P4HA1: variants seen among roughly 807,000 people sequenced by gnomAD.
P4HA1 encodes the protein prolyl 4-hydroxylase subunit alpha 1, also known as prolyl 4-hydroxylase subunit alpha-1.
In P4HA1, 24 loss-of-function variants were observed where a neutral mutation model predicts 72.8. The ratio of observed to expected loss-of-function variants is 0.33; its 90% CI spans 0.24 to 0.46. P4HA1 has a LOEUF of 0.46. Among genes scored for constraint, P4HA1 ranks in the 20% least tolerant of loss-of-function variants. P4HA1 has a pLI of 1.00. For synonymous variants in P4HA1, 201 were observed against 218.8 expected (o/e 0.92, Z 0.72); for missense variants, 446 against 640.6 (o/e 0.70, Z 3.28).
chr10:73,008,286 TTGGATACTG>T lies in P4HA1; in HGVS notation c.1535-3_1540del. 1 of 1,579,902 alleles carries T rather than the reference TTGGATACTG, an allele frequency of 6.3e-7. No homozygotes were observed. Among genetic ancestry groups the T allele is most frequent in the Non-Finnish European group, 8.7e-7 (1 of 1,149,322 alleles). On this transcript the variant is annotated splice_acceptor_variant and splice_polypyrimidine_tract_variant and coding_sequence_variant and intron_variant, in exon 15 of 15. Transcript: ENST00000394890. LOFTEE classifies it high-confidence loss of function. ...TTGTCCACGTTCATGGAGCCATTTA[TTGGATACTG>T]TGAGAGAAAAGTAATATATTAATTT...
rs1839897113 is a variant in P4HA1, at chr10:73,010,841, G to C, written c.1437+128C>G. 4 of 666,900 alleles carry C rather than the reference G, an allele frequency of 6.0e-6. No individual in the cohort carries two copies. In the East Asian group the frequency reaches 1.1e-4, roughly 19 times the overall value. 41.3% of individuals were successfully genotyped at this position (666,900 alleles called of 1,614,324 possible). On this transcript the variant is annotated intron_variant, in intron 13 of 14. Transcript: ENST00000394890. ...CTGCTGGGCTCCAGCCTGGGCAACA[G>C]AGCGAGAACAGGTCTCAAAAAATGA...
chr10:73,080,062 GACAA>G (rs1323559306), intron 1 of P4HA1, among the ~76,000 whole-genome samples: 2 of 152,264 alleles, frequency 1.3e-5, no homozygotes, highest in East Asian at 1.9e-4. Context: ...GTCATACAGA[GACAA>G]ACAGTTTCAA....
intron 12 of P4HA1, among the ~76,000 whole-genome samples, 183 bp from the exon 13 acceptor site, chr10:73,011,220 G>C (rs1369173628): frequency 6.6e-6 from 1 of 152,050 alleles, no homozygotes; most frequent in Non-Finnish European, 1.5e-5. Flanking sequence ...ATATACATAA[G>C]TAAAAAAACT....
At chr10:73,037,571 ATTTTTTT>A (rs71021545) in intron 9 of P4HA1, among the ~76,000 whole-genome samples, 3 of 30,612 alleles carry the variant, frequency 9.8e-5, no homozygotes, top group East Asian at 9.8e-4. Context: ...ATATATATAT[ATTTTTTT>A]TTTTTTTTTT....
intron 1 of P4HA1, among the ~76,000 whole-genome samples, chr10:73,090,794 C>G (rs1225375685): frequency 6.6e-6 from 1 of 152,072 alleles, no homozygotes. Flanking sequence ...GGTGCGGTGG[C>G]TCATGCCTGT....
chr10:73,034,585 GTTT>G (rs1302367660), intron 9 of P4HA1, among the ~76,000 whole-genome samples: 1 of 135,004 alleles, frequency 7.4e-6, no homozygotes. Context: ...TGTGTGTGTG[GTTT>G]TTTTTTTTTT....
At chr10:73,033,000 G>T (rs1840472426) in intron 9 of P4HA1, among the ~76,000 whole-genome samples, 1 of 152,144 alleles carries the variant, frequency 6.6e-6, no homozygotes, top group Non-Finnish European at 1.5e-5. Flanking sequence ...TAGCAAAAAT[G>T]GGAAGAATCA....
intron 2 of P4HA1, among the ~76,000 whole-genome samples, chr10:73,074,217 TTTAA>T (rs1307716646): frequency 6.6e-6 from 1 of 152,202 alleles, no homozygotes. Context: ...TAAATTTTTA[TTTAA>T]TTAATAAAAG....
At chr10:73,049,779 TTAAC>T (rs1490613629) in intron 7 of P4HA1, among the ~76,000 whole-genome samples, 7 of 152,232 alleles carry the variant, frequency 4.6e-5, no homozygotes, top group South Asian at 2.1e-4. Flanking sequence ...CTTGTGAAGA[TTAAC>T]TAGGAGCAAA....
At position 73,053,529 on chromosome 10, in the gene P4HA1, A is replaced by G; in HGVS notation, c.525T>C (p.Tyr175=). ...EDCFELGKVA[Y]TEADYYHTEL... is the part of the protein sequence containing the mutation. ...CCGTATGGTAATAATCTGCTTCTGT[A>G]TAGGCCACTTTGCCCAACTCAAAGC... The change falls in exon 6 of 15, where the codon TAT becomes TAC. Residue 175 remains tyrosine (Y), a synonymous_variant. Transcript: ENST00000394890. The G allele has an allele frequency of 6.2e-7, 1 of 1,614,040 alleles. No homozygotes were observed.
rs183429192 is a variant in P4HA1, at chr10:73,013,854, T to C, written c.1368+370A>G. 7.2e-5 allele frequency among the ~76,000 whole-genome samples: 11 copies of C among 152,170 alleles called. No homozygotes were observed. In the East Asian group the frequency reaches 2.1e-3, roughly 29 times the overall value. On this transcript the variant is annotated intron_variant, in intron 12 of 14. Transcript: ENST00000394890. ...TGCGCACTCTTCTGATATACTTCAA[T>C]AAAAAAATGTAATTCAGAAGTTTAC...
intron 9 of P4HA1, among the ~76,000 whole-genome samples, chr10:73,038,653 G>T (rs2133076739): frequency 1.0e-5 from 1 of 95,706 alleles, no homozygotes; most frequent in East Asian, 4.5e-4. Flanking sequence ...TTGAGACGGA[G>T]TCTCGCTCTG....
chr10:73,031,943 C>A (rs111851370), intron 9 of P4HA1, among the ~76,000 whole-genome samples: 1 of 152,140 alleles, frequency 6.6e-6, no homozygotes, highest in Admixed American at 6.6e-5. Context: ...TCTTTCTAAA[C>A]GCCTAAACTC....
At chr10:73,069,380 C>T (rs147470373) in intron 4 of P4HA1, among the ~76,000 whole-genome samples, 1 of 152,108 alleles carries the variant, frequency 6.6e-6, no homozygotes, top group African/African-American at 2.4e-5. Context: ...TTCCAGATAA[C>T]AGATGGTAAG....
intron 1 of P4HA1, among the ~76,000 whole-genome samples, chr10:73,090,098 T>C (rs891742057): frequency 1.9e-5 from 2 of 107,154 alleles, no homozygotes; most frequent in African/African-American, 7.1e-5. Flanking sequence ...CCCCCCAGAG[T>C]GTTGGGATTA....
intron 10 of P4HA1, among the ~76,000 whole-genome samples, chr10:73,023,965 T>C (rs1051589852): frequency 5.9e-5 from 9 of 152,190 alleles, no homozygotes; most frequent in African/African-American, 2.2e-4. Flanking sequence ...ATGCACCCAA[T>C]ACAGGGGCAC....
chr10:73,077,124 C>T (rs1220655962), intron 1 of P4HA1, among the ~76,000 whole-genome samples: 3 of 152,260 alleles, frequency 2.0e-5, no homozygotes, highest in African/African-American at 7.2e-5. Context: ...CACTTCCTCT[C>T]CTGGGCTCCT....
chr10:73,088,078 T>C (rs1267671820), intron 1 of P4HA1, among the ~76,000 whole-genome samples: 2 of 152,066 alleles, frequency 1.3e-5, no homozygotes, highest in African/African-American at 2.4e-5. Context: ...TTTTTTAAAA[T>C]AGAAACGGGT....
intron 11 of P4HA1, among the ~76,000 whole-genome samples, chr10:73,015,897 A>G (rs1469672690): frequency 6.6e-6 from 1 of 151,500 alleles, no homozygotes; most frequent in Non-Finnish European, 1.5e-5. Context: ...TTTAACTGGT[A>G]AAAAGGTTTC....
Sources: allele counts gnomAD v4.1 joint callset (sites outside exome capture counted in the v4.1 genomes callset), GRCh38; gene constraint gnomAD v4.1.1; transcripts MANE v1.5; gene names NCBI Gene and HGNC (gene_info 2026-07-23, HGNC 2026-07-21).